Variants in TMCO6 observed in about 807,000 individuals in gnomAD.
TMCO6 encodes the protein transmembrane and coiled-coil domain-containing protein 6.
TMCO6 carries 47 observed loss-of-function variants against 61.8 expected under a neutral mutation model. That is an observed-to-expected ratio of 0.76 (90% CI 0.60 to 0.97). The LOEUF (loss-of-function observed/expected upper bound fraction) is 0.97. Among genes scored for constraint, TMCO6 ranks in the 50% least tolerant of loss-of-function variants. The pLI is 0.00. For synonymous variants in TMCO6, 261 were observed against 254.2 expected, an observed-to-expected ratio of 1.03 and a Z score of -0.25; for missense variants, 557 against 601.6, an observed-to-expected ratio of 0.93 and a Z score of 0.78.
the TMCO6 span, among the ~76,000 whole-genome samples, chr5:140,609,689 G>T: frequency 6.6e-6 from 1 of 151,130 alleles, no homozygotes; most frequent in Non-Finnish European, 1.5e-5. Flanking sequence ...TGAATTAGGG[G>T]AGAATTGTCA....
At chr5:140,641,633 G>A in intron 2 of TMCO6, 32 bp from the exon 3 acceptor site, 8 of 1,594,514 alleles carry the variant, frequency 5.0e-6, no homozygotes, top group Non-Finnish European at 6.9e-6. Flanking sequence ...TCTGTGAACC[G>A]TGTGTTCTCC....
the TMCO6 span, among the ~76,000 whole-genome samples, chr5:140,615,507 C>T: frequency 1.3e-5 from 2 of 151,498 alleles, no homozygotes; most frequent in African/African-American, 4.9e-5. Flanking sequence ...AAAAAAAGAA[C>T]CAAGTTGGAG....
chr5:140,632,776 G>T, the TMCO6 span: 1 of 1,613,496 alleles, frequency 6.2e-7, no homozygotes, highest in Non-Finnish European at 8.5e-7. The surrounding 1 kb of genome is among the most constrained non-coding windows in gnomAD (Gnocchi z 6.2). Context: ...ACGCGCTTTA[G>T]AAACGGCTCT....
the TMCO6 span, chr5:140,631,736 G>C: frequency 6.0e-3 from 5,805 of 959,734 alleles, 282 homozygotes; most frequent in Admixed American, 0.11. Context: ...CGGACCCGTT[G>C]TTTAAGATTT....
chr5:140,632,064 T>C, the TMCO6 span: 1 of 1,614,212 alleles, frequency 6.2e-7, no homozygotes, highest in Non-Finnish European at 8.5e-7. The surrounding 1 kb of genome is among the most constrained non-coding windows in gnomAD (Gnocchi z 6.2). Context: ...GTTCAGTCTG[T>C]TGCAGCTGAG....
the TMCO6 span, among the ~76,000 whole-genome samples, chr5:140,612,371 G>C: frequency 1.7e-5 from 2 of 118,708 alleles, no homozygotes; most frequent in African/African-American, 3.5e-5. Context: ...ACGGAGTCTC[G>C]CTCTTTCACC....
rs755886620 is a variant in TMCO6 at position 140,641,932 on chromosome 5, T to C, written c.377T>C (p.Leu126Pro). 18 of 1,613,808 alleles carry C rather than the reference T, an allele frequency of 1.1e-5. No homozygotes were observed. Among genetic ancestry groups the C allele is most frequent in the Admixed American group, 5.0e-5 (3 of 60,002 alleles). ...ACCAGCAACCAGGCCCTGCTGCAGCTTGAGGCGGCTCGGTGCCTGCATGAG... is the reference window on the plus strand; with the variant it reads ...ACCAGCAACCAGGCCCTGCTGCAGCCTGAGGCGGCTCGGTGCCTGCATGAG... ...LLTSNQALLQ[L>P]EAARCLHELS... is the part of the protein sequence containing the mutation. The change falls in exon 4 of 12, where the codon CTT (leucine) becomes CCT (proline). Residue 126 changes from leucine (L) to proline (P), a missense_variant. Leu to Pro is a moderately conservative substitution (Grantham distance 98). Coordinates refer to ENST00000394671, the MANE Select transcript of TMCO6 (RefSeq NM_018502.5).
At chr5:140,626,863 G>A in the TMCO6 span, among the ~76,000 whole-genome samples, 1 of 152,118 alleles carries the variant, frequency 6.6e-6, no homozygotes, top group East Asian at 1.9e-4. Context: ...ATATTTTACT[G>A]TTAAAGAGCA....
chr5:140,634,068 G>A, the TMCO6 span, among the ~76,000 whole-genome samples: 2 of 152,122 alleles, frequency 1.3e-5, no homozygotes, highest in African/African-American at 2.4e-5. Context: ...GATTACAGGC[G>A]TGAGCCACTG....
the TMCO6 span, among the ~76,000 whole-genome samples, chr5:140,600,384 T>A: frequency 6.6e-6 from 1 of 152,162 alleles, no homozygotes; most frequent in Non-Finnish European, 1.5e-5. Context: ...CTGTTTGAAA[T>A]TAACAATCAG....
At chr5:140,645,439 A>G, downstream of TMCO6, 1 of 1,021,818 alleles carries the variant, frequency 9.8e-7, no homozygotes, top group Non-Finnish European at 1.5e-6. Context: ...AGTAAGGGGT[A>G]GAGGGTAGAT....
At chr5:140,628,960 G>C in the TMCO6 span, among the ~76,000 whole-genome samples, 1 of 152,114 alleles carries the variant, frequency 6.6e-6, no homozygotes, top group African/African-American at 2.4e-5. Flanking sequence ...TATGTGATGG[G>C]TTACAATCCA....
chr5:140,628,156 G>A, the TMCO6 span, among the ~76,000 whole-genome samples: 2 of 147,462 alleles, frequency 1.4e-5, no homozygotes, highest in Admixed American at 1.4e-4. Flanking sequence ...TTAGAGGCAT[G>A]CGCCACCACA....
chr5:140,629,743 G>C, the TMCO6 span, among the ~76,000 whole-genome samples: 2 of 152,196 alleles, frequency 1.3e-5, no homozygotes, highest in East Asian at 3.9e-4. Context: ...AGACCAGCCT[G>C]ACCAACACGG....
chr5:140,615,358 A>T, the TMCO6 span, among the ~76,000 whole-genome samples: 1 of 152,222 alleles, frequency 6.6e-6, no homozygotes, highest in Non-Finnish European at 1.5e-5. Context: ...TTATGATATC[A>T]ACACTCTCTA....
At chr5:140,606,806 G>A in the TMCO6 span, among the ~76,000 whole-genome samples, 1 of 152,104 alleles carries the variant, frequency 6.6e-6, no homozygotes, top group Non-Finnish European at 1.5e-5. Flanking sequence ...GCATGCGCCT[G>A]TAGTCCCAGC....
chr5:140,634,366 C>T, the TMCO6 span, among the ~76,000 whole-genome samples: 1 of 151,378 alleles, frequency 6.6e-6, no homozygotes, highest in Non-Finnish European at 1.5e-5. Flanking sequence ...AAAAAAACAG[C>T]AAACAAAACA....
At chr5:140,600,646 G>T in the TMCO6 span, among the ~76,000 whole-genome samples, 1 of 151,974 alleles carries the variant, frequency 6.6e-6, no homozygotes, top group Non-Finnish European at 1.5e-5. Context: ...TGTATTTTTA[G>T]TAGAGACAGG....
chr5:140,645,926 G>A (rs1255549039), downstream of TMCO6, among the ~76,000 whole-genome samples: 4 of 152,082 alleles, frequency 2.6e-5, no homozygotes, highest in East Asian at 3.8e-4. Flanking sequence ...GGAAGCTTTC[G>A]GGGGCACTGT....
Sources: allele counts gnomAD v4.1 joint callset (sites outside exome capture counted in the v4.1 genomes callset), GRCh38; gene constraint gnomAD v4.1.1; non-coding constraint Gnocchi (gnomAD v3.1); transcripts MANE v1.5; gene names NCBI Gene and HGNC (gene_info 2026-07-23, HGNC 2026-07-21).